PDE1C: variants seen among roughly 807,000 people sequenced by gnomAD.
PDE1C encodes phosphodiesterase 1C.
Under a neutral mutation model 93.1 loss-of-function variants are expected in PDE1C, and 62 were observed. The observed-to-expected ratio is 0.67, with a 90% confidence interval of 0.54 to 0.82. PDE1C has a LOEUF of 0.82. Among genes scored for constraint, PDE1C ranks in the 40% least tolerant of loss-of-function variants. The pLI is 0.00. For missense variants in PDE1C, 742 were observed against 884.6 expected, an observed-to-expected ratio of 0.84 and a Z score of 2.04; for synonymous variants, 325 against 310.1, an observed-to-expected ratio of 1.05 and a Z score of -0.50.
At chr7:32,154,963 G>A (rs997728229) in intron 3 of PDE1C, among the ~76,000 whole-genome samples, 2 of 152,368 alleles carry the variant, frequency 1.3e-5, no homozygotes, top group East Asian at 3.9e-4. Context: ...CAGGCAGGCA[G>A]GGAGTAAGGC....
At chr7:31,867,777 C>CTGGG (rs1015178619) in intron 6 of PDE1C, among the ~76,000 whole-genome samples, 1 of 151,052 alleles carries the variant, frequency 6.6e-6, no homozygotes, top group Admixed American at 6.6e-5. Context: ...GTAGAACTCC[C>CTGGG]TGGGGCCCAA....
intron 2 of PDE1C, among the ~76,000 whole-genome samples, chr7:31,897,878 C>G (rs1333137786): frequency 6.6e-6 from 1 of 151,914 alleles, no homozygotes. Context: ...ATATTTTTTC[C>G]TTTCTTATAG....
Position 32,006,051 on chromosome 7 carries a change from G to T in PDE1C, c.128+45503C>A, listed in dbSNP as rs796689128. On this transcript the variant is annotated intron_variant, in intron 2 of 17. Coordinates refer to ENST00000396191, the MANE Select transcript of PDE1C (RefSeq NM_001191057.4). ...CTTTCTTTAGGGGCCTTTTCTTTTT[G>T]CAGATCAATAATAAGTCTATTGTTC... Among the ~76,000 whole-genome samples, 34 of 151,572 alleles carry T rather than the reference G, an allele frequency of 2.2e-4. No individual in the cohort carries two copies. The South Asian group carries it at 4.0e-3, about 18-fold the overall frequency.
rs138201216 is a variant in PDE1C at position 31,977,313 on chromosome 7, G to T, written c.128+74241C>A. On this transcript the variant is annotated intron_variant, in intron 2 of 17. Transcript: ENST00000396191. ...CAACATATGATGATGCAGCAAGAAG[G>T]TCCTCGCCAGATGCCAGTGTCATGG... is the stretch of plus-strand genomic sequence containing the variant. Among the ~76,000 whole-genome samples the T allele has an allele frequency of 8.2e-3, 1,246 of 152,218 alleles. 12 individuals carry two copies. Among genetic ancestry groups the T allele is most frequent in the African/African-American group, 0.029 (1,189 of 41,540 alleles).
chr7:31,828,244 C>T, intron 12 of PDE1C, 48 bp downstream of exon 12: 1 of 1,486,296 alleles, frequency 6.7e-7, no homozygotes, highest in African/African-American at 1.4e-5. Context: ...CTTACTTCTA[C>T]AGGCTTCCTG....
intron 3 of PDE1C, among the ~76,000 whole-genome samples, chr7:32,092,521 AT>A (rs1237353218): frequency 6.6e-6 from 1 of 152,142 alleles, no homozygotes; most frequent in Non-Finnish European, 1.5e-5. Context: ...AAACACAGGC[AT>A]TTCTGGCTAG....
At chr7:32,048,915 C>T (rs1253039885) in intron 2 of PDE1C, among the ~76,000 whole-genome samples, 2 of 152,120 alleles carry the variant, frequency 1.3e-5, no homozygotes, top group Non-Finnish European at 2.9e-5. Context: ...AAGGCAACAG[C>T]ATTCACGTCA....
intron 3 of PDE1C, among the ~76,000 whole-genome samples, chr7:32,107,059 A>T (rs1024778269): frequency 4.0e-5 from 6 of 151,810 alleles, no homozygotes; most frequent in African/African-American, 1.5e-4. Flanking sequence ...ACTTTGGTGG[A>T]CTCATCAGTA....
chr7:31,989,017 A>G (rs1259538182), intron 2 of PDE1C, among the ~76,000 whole-genome samples: 27 of 147,556 alleles, frequency 1.8e-4, no homozygotes, highest in East Asian at 9.8e-4. Flanking sequence ...AAAAAAAAAA[A>G]AGAGAGAGAG....
chr7:31,957,334 C>T (rs1044673039), intron 2 of PDE1C, among the ~76,000 whole-genome samples: 4 of 152,002 alleles, frequency 2.6e-5, no homozygotes, highest in Admixed American at 6.6e-5. Flanking sequence ...TAAACCCTTT[C>T]GCTGTAACCC....
At chr7:32,328,629 A>C (rs981958338) in intron 1 of PDE1C, among the ~76,000 whole-genome samples, 1 of 150,610 alleles carries the variant, frequency 6.6e-6, no homozygotes, top group African/African-American at 2.4e-5. Context: ...ACACAACCCC[A>C]TCCTCCACCC....
chr7:31,938,028 A>G (rs1297161482), intron 2 of PDE1C, among the ~76,000 whole-genome samples: 1 of 152,122 alleles, frequency 6.6e-6, no homozygotes, highest in African/African-American at 2.4e-5. Flanking sequence ...ACTCATTTAA[A>G]ATAAACCCAC....
At chr7:31,852,715 G>C (rs1184400864) in intron 7 of PDE1C, among the ~76,000 whole-genome samples, 1 of 152,122 alleles carries the variant, frequency 6.6e-6, no homozygotes, top group Non-Finnish European at 1.5e-5. Flanking sequence ...CACGCCTGCA[G>C]AATTCTCACT....
chr7:31,683,105 G>A, the PDE1C span, among the ~76,000 whole-genome samples: 2 of 152,144 alleles, frequency 1.3e-5, no homozygotes, highest in Admixed American at 6.5e-5. Flanking sequence ...TGATAAAATT[G>A]TATAGAACTC....
the PDE1C span, among the ~76,000 whole-genome samples, chr7:31,637,896 C>G: frequency 1.2e-4 from 18 of 152,262 alleles, no homozygotes; most frequent in African/African-American, 4.1e-4. Context: ...TTTAATCCAT[C>G]TTGAATTAAT....
intron 1 of PDE1C, among the ~76,000 whole-genome samples, chr7:32,374,665 T>C (rs184093823): frequency 2.6e-5 from 4 of 152,386 alleles, no homozygotes; most frequent in African/African-American, 9.6e-5. Context: ...ATGACTGCTC[T>C]GTCTGTTCCA....
chr7:32,296,922 A>C (rs946138495), intron 1 of PDE1C, among the ~76,000 whole-genome samples: 4 of 152,208 alleles, frequency 2.6e-5, no homozygotes, highest in Non-Finnish European at 2.9e-5. Context: ...TACAATGAGG[A>C]CTACCAACAG....
intron 2 of PDE1C, among the ~76,000 whole-genome samples, chr7:31,926,688 T>A (rs990893759): frequency 2.6e-4 from 39 of 151,770 alleles, no homozygotes; most frequent in Non-Finnish European, 4.4e-5. Context: ...GTGCAAGGAG[T>A]CAGGGAACTC....
intron 1 of PDE1C, among the ~76,000 whole-genome samples, chr7:32,284,483 A>T (rs909152841): frequency 6.6e-6 from 1 of 152,238 alleles, no homozygotes; most frequent in Non-Finnish European, 1.5e-5. Flanking sequence ...TTCACAGAAA[A>T]CTACACAGAA....
Sources: allele counts gnomAD v4.1 joint callset (sites outside exome capture counted in the v4.1 genomes callset), GRCh38; gene constraint gnomAD v4.1.1; transcripts MANE v1.5; gene names NCBI Gene and HGNC (gene_info 2026-07-23, HGNC 2026-07-21).